The following KCNH5 variants were observed in gnomAD, a reference collection of about 807,000 sequenced individuals.
The protein encoded by KCNH5 is potassium voltage-gated channel subfamily H member 5, also known as voltage-gated delayed rectifier potassium channel KCNH5.
Under a neutral mutation model 96.1 loss-of-function variants are expected in KCNH5, and 46 were observed. The observed-to-expected ratio is 0.48, with a 90% confidence interval of 0.38 to 0.61. The LOEUF (loss-of-function observed/expected upper bound fraction) is 0.61, where lower values mean the gene tolerates loss of function less well. Ranked by LOEUF, KCNH5 falls within the 20% of genes least tolerant of loss-of-function variation. The pLI is 0.00. For synonymous variants in KCNH5, 439 were observed against 449.8 expected (o/e 0.98, Z 0.30); for missense variants, 907 against 1,225.8 (o/e 0.74, Z 3.88).
chr14:62,746,534 A>G (rs183180472), intron 10 of KCNH5, among the ~76,000 whole-genome samples: 90 of 152,356 alleles, frequency 5.9e-4, no homozygotes, highest in Middle Eastern at 3.4e-3. Context: ...GGGGCACTTT[A>G]GGGCTGTTTC....
intron 3 of KCNH5, among the ~76,000 whole-genome samples, chr14:63,001,909 TC>T (rs1891017844): frequency 6.6e-6 from 1 of 152,154 alleles, no homozygotes; most frequent in African/African-American, 2.4e-5. Context: ...CCATACCTGA[TC>T]TTCTAATAAG....
At position 62,707,892 on chromosome 14, in the gene KCNH5, T is replaced by G. The variant is rs751627591; in HGVS notation, c.2583A>C (p.Thr861=). Residue 861 remains threonine, a synonymous_variant, in exon 11 of 11, where the codon ACA becomes ACC. Transcript: ENST00000322893. The stretch of plus-strand genomic sequence containing the variant: ...TTGTAATTCCACTGTCACAAGAATC[T>G]GTTTTTCTTAGTGGGTTTTTGGTCA... ...NSVTKNPLRK[T]DSCDSGITKS... 14 of 1,614,198 alleles carry G rather than the reference T, an allele frequency of 8.7e-6. No homozygotes were observed. Among genetic ancestry groups the G allele is most frequent in the Non-Finnish European group, 1.2e-5 (14 of 1,180,028 alleles).
chr14:62,818,118 G>GGGGGGGA (rs1438309699), intron 8 of KCNH5, among the ~76,000 whole-genome samples: 1 of 108,046 alleles, frequency 9.3e-6, no homozygotes, highest in Non-Finnish European at 1.9e-5. Flanking sequence ...GCGGGGGGGG[G>GGGGGGGA]GTGGAAGAAA....
At chr14:62,791,996 T>C (rs966119510) in intron 9 of KCNH5, among the ~76,000 whole-genome samples, 3 of 151,572 alleles carry the variant, frequency 2.0e-5, no homozygotes, top group African/African-American at 7.2e-5. Flanking sequence ...GGCCCAAAAA[T>C]ATTCATTTAT....
At chr14:63,009,592 G>C (rs1313557397) in intron 2 of KCNH5, among the ~76,000 whole-genome samples, 1 of 152,128 alleles carries the variant, frequency 6.6e-6, no homozygotes, top group Non-Finnish European at 1.5e-5. Flanking sequence ...TAAATAATAA[G>C]AGGTATTTCA....
Position 62,707,795 on chromosome 14 carries a change from C to T in KCNH5, c.2680G>A (p.Ala894Thr). ...PLEHSPIQAD[A>T]KHPFYPIPEQ... is the part of the protein sequence containing the mutation. ...GGGATGGGATAAAAGGGGTGCTTGG[C>T]ATCAGCCTGGATGGGACTGTGCTCT... Residue 894 changes from alanine to threonine, a missense_variant, in exon 11 of 11, where the codon GCC (alanine) becomes ACC (threonine). Transcript: ENST00000322893. 1 of 1,614,164 alleles carries T rather than the reference C, an allele frequency of 6.2e-7. No homozygotes were observed. The highest frequency in any genetic ancestry group is 1.3e-5 in the African/African-American group (1 of 75,032).
At chr14:62,942,733 C>T (rs1048712428) in intron 7 of KCNH5, among the ~76,000 whole-genome samples, 2 of 152,156 alleles carry the variant, frequency 1.3e-5, no homozygotes, top group Admixed American at 6.6e-5. Flanking sequence ...TAGATGTTTA[C>T]GTGATTACCA....
intron 10 of KCNH5, among the ~76,000 whole-genome samples, chr14:62,743,077 C>T (rs544238700): frequency 2.2e-4 from 34 of 151,860 alleles, no homozygotes; most frequent in South Asian, 1.0e-3. Flanking sequence ...TGAGTTTTCC[C>T]GTCATTTTGC....
intron 1 of KCNH5, among the ~76,000 whole-genome samples, chr14:63,020,678 T>G (rs1465285991): frequency 6.6e-6 from 1 of 152,176 alleles, no homozygotes; most frequent in Admixed American, 6.5e-5. Flanking sequence ...AAGAACTTTC[T>G]GGCAAATGTA....
chr14:62,984,945 T>C (rs1262885754), intron 5 of KCNH5, among the ~76,000 whole-genome samples: 1 of 152,116 alleles, frequency 6.6e-6, no homozygotes, highest in Non-Finnish European at 1.5e-5. Context: ...CGCTCTGTTG[T>C]GTAACAGACA....
intron 10 of KCNH5, among the ~76,000 whole-genome samples, chr14:62,737,976 G>A (rs117584417): frequency 0.011 from 1,642 of 152,144 alleles, 27 homozygotes; most frequent in East Asian, 0.094. Context: ...CTATGATAAA[G>A]TTTAATTCAT....
chr14:62,761,207 T>C (rs1885740794), intron 10 of KCNH5, among the ~76,000 whole-genome samples: 1 of 151,644 alleles, frequency 6.6e-6, no homozygotes, highest in African/African-American at 2.4e-5. Context: ...ATACAAAAAT[T>C]AGCTGGGTGT....
chr14:62,884,896 T>C (rs1007573275), intron 7 of KCNH5, among the ~76,000 whole-genome samples: 2 of 152,204 alleles, frequency 1.3e-5, no homozygotes, highest in Non-Finnish European at 2.9e-5. Context: ...GAAAGTGAAT[T>C]AGACACAAAC....
At chr14:62,993,004 G>T (rs1890839989) in intron 4 of KCNH5, among the ~76,000 whole-genome samples, 1 of 152,066 alleles carries the variant, frequency 6.6e-6, no homozygotes, top group East Asian at 1.9e-4. Flanking sequence ...CAAGAGATAG[G>T]GGGGTCCTGT....
At chr14:62,806,241 T>C (rs1432001986) in intron 8 of KCNH5, among the ~76,000 whole-genome samples, 3 of 152,144 alleles carry the variant, frequency 2.0e-5, no homozygotes, top group Non-Finnish European at 4.4e-5. Flanking sequence ...GAAATAACCA[T>C]AAAAATGGGC....
chr14:62,960,009 T>C (rs931012521), intron 6 of KCNH5, among the ~76,000 whole-genome samples: 1 of 152,208 alleles, frequency 6.6e-6, no homozygotes, highest in African/African-American at 2.4e-5. Flanking sequence ...GTTTTGTTTA[T>C]ACAGCCTTGC....
At position 62,950,151 on chromosome 14, in the gene KCNH5, C is replaced by A. The variant is rs768878781; in HGVS notation, c.1351G>T (p.Ala451Ser). The change falls in exon 7 of 11, where the codon GCT becomes TCT. Residue 451 changes from alanine to serine, a missense_variant. Physicochemically the swap from Ala to Ser is moderately conservative, Grantham distance 99. Around this residue, in one of 6 missense-constraint regions of KCNH5, gnomAD observed 370 missense variants for 561.3 expected, o/e 0.66. Transcript: ENST00000322893. ...TTDVEKMFSV[A>S]MMMVGSLLYA... Reference sequence around the variant, plus strand: ...TACTTACAGCCAACCATCATCATAGCCACCGAAAACATCTTCTCCACATCT... The same window carrying A: ...TACTTACAGCCAACCATCATCATAGACACCGAAAACATCTTCTCCACATCT... 1.9e-6 allele frequency: 3 copies of A among 1,613,804 alleles called. No homozygotes were observed. Among genetic ancestry groups the A allele is most frequent in the Non-Finnish European group, 2.5e-6 (3 of 1,179,864 alleles).
At chr14:62,727,924 A>G (rs1884967411) in intron 10 of KCNH5, among the ~76,000 whole-genome samples, 1 of 150,534 alleles carries the variant, frequency 6.6e-6, no homozygotes, top group Admixed American at 6.7e-5. Context: ...CTTGACCATG[A>G]TTTTCCATTC....
At chr14:62,801,376 TAAAAA>T (rs34625867) in intron 9 of KCNH5, among the ~76,000 whole-genome samples, 1 of 138,432 alleles carries the variant, frequency 7.2e-6, no homozygotes, top group Admixed American at 7.3e-5. Flanking sequence ...TTTTACCTGG[TAAAAA>T]AAAAAAAAAA....
Sources: allele counts gnomAD v4.1 joint callset (sites outside exome capture counted in the v4.1 genomes callset), GRCh38; gene constraint gnomAD v4.1.1; regional missense constraint gnomAD v4.1.1; transcripts MANE v1.5; gene names NCBI Gene and HGNC (gene_info 2026-07-23, HGNC 2026-07-21).